SIAH2: variants seen among roughly 807,000 people sequenced by gnomAD.
The protein encoded by SIAH2 is E3 ubiquitin-protein ligase SIAH2.
A neutral mutation model predicts 20.4 loss-of-function variants in SIAH2; 4 were observed. That is an observed-to-expected ratio of 0.20 (90% CI 0.10 to 0.45). The LOEUF is 0.45. SIAH2 is among the 20% of genes least tolerant of loss of function. The probability of loss-of-function intolerance (pLI) is 0.99; values close to 1 mark genes in which losing one functional copy is unlikely to be tolerated. For missense variants in SIAH2, 259 were observed against 440.3 expected (o/e 0.59, Z 3.69); for synonymous variants, 171 against 192.5 (o/e 0.89, Z 0.93).
chr3:150,759,050 T>G (rs1714546689), intron 1 of SIAH2, among the ~76,000 whole-genome samples: 1 of 151,554 alleles, frequency 6.6e-6, no homozygotes, highest in South Asian at 2.1e-4. Context: ...TGGCCCTAAT[T>G]TTTGTATTTT....
chr3:150,751,381 G>A (rs1034393766), intron 1 of SIAH2, among the ~76,000 whole-genome samples: 5 of 151,854 alleles, frequency 3.3e-5, no homozygotes, highest in African/African-American at 1.2e-4. Flanking sequence ...CCGAGATTAC[G>A]CCACTGAACT....
chr3:150,742,021 A>AAAAC lies in SIAH2; in HGVS notation c.*116_*119dup. The AAAAC allele has an allele frequency of 9.8e-7, 1 of 1,018,276 alleles. No homozygotes were observed. 63.1% of individuals were successfully genotyped at this position (1,018,276 alleles called of 1,614,324 possible). A position where few individuals can be genotyped will look rare whatever the true frequency, so the allele number is the denominator to read the frequency against. On this transcript the variant is annotated 3_prime_UTR_variant, in exon 2 of 2. Coordinates refer to ENST00000312960, the MANE Select transcript of SIAH2 (RefSeq NM_005067.7). This position sits in a 1 kb window ranked among gnomAD's most constrained non-coding sequence, Gnocchi z 4.8. ...CCAGATGGGACACTGCTGTTCAAACAAAACACGGGTAATTGTGGGTCCTGA... is the reference window on the plus strand; with the variant it reads ...CCAGATGGGACACTGCTGTTCAAACAAAACAAACACGGGTAATTGTGGGTCCTGA...
intron 1 of SIAH2, among the ~76,000 whole-genome samples, chr3:150,755,478 G>A (rs1321605657): frequency 2.7e-5 from 4 of 150,844 alleles, no homozygotes; most frequent in East Asian, 2.0e-4. Flanking sequence ...GTATAGACAC[G>A]AGCCACCATG....
At chr3:150,746,813 G>C (rs1238408149) in intron 1 of SIAH2, among the ~76,000 whole-genome samples, 1 of 152,260 alleles carries the variant, frequency 6.6e-6, no homozygotes, top group African/African-American at 2.4e-5. Flanking sequence ...AGGTCCAGTA[G>C]GTCACTGGCC....
At position 150,749,372 on chromosome 3, in the gene SIAH2, G is replaced by A. The variant is rs139898718; in HGVS notation, c.418-6674C>T. Among the ~76,000 whole-genome samples, 467 of 152,114 alleles carry A rather than the reference G, an allele frequency of 3.1e-3. 5 individuals carry two copies. The highest frequency in any genetic ancestry group is 0.011 in the African/African-American group (451 of 41,494). On this transcript the variant is annotated intron_variant, in intron 1 of 1. Coordinates refer to ENST00000312960, the MANE Select transcript of SIAH2 (RefSeq NM_005067.7). ...AAAAAAAAAATAGCCAGGCCTTGTG[G>A]TGCACACGTGTAGTCCCGGCTACTA... is the stretch of plus-strand genomic sequence containing the variant.
At position 150,762,329 on chromosome 3, in the gene SIAH2, TA is replaced by T; in HGVS notation, c.417+103del. 1 of 1,478,878 alleles carries T rather than the reference TA, an allele frequency of 6.8e-7. No homozygotes were observed. Among genetic ancestry groups the T allele is most frequent in the Non-Finnish European group, 8.9e-7 (1 of 1,119,654 alleles). The allele number at this position is 1,478,878 out of a possible 1,614,324, so 91.6% of individuals were successfully genotyped here. A position where few individuals can be genotyped will look rare whatever the true frequency, so the allele number is the denominator to read the frequency against. ...GTAAACATTTTTTCTTTTTTTTTTT[TA>T]AATGAGAGATGCCGCCCGCCTCTCC... is the stretch of plus-strand genomic sequence containing the variant. On this transcript the variant is annotated intron_variant, in intron 1 of 1. Transcript: ENST00000312960. The surrounding 1 kb of genome is among the most constrained non-coding windows in gnomAD (Gnocchi z 6.6).
At position 150,742,661 on chromosome 3, in the gene SIAH2, G is replaced by C. The variant is rs377407314; in HGVS notation, c.455C>G (p.Thr152Arg). 1.3e-6 allele frequency: 2 copies of C among 1,573,244 alleles called. No homozygotes were observed. Among genetic ancestry groups the C allele is most frequent in the East Asian group, 4.5e-5 (2 of 44,490 alleles). Residue 152 changes from threonine to arginine, a missense_variant, in exon 2 of 2, where the codon ACG (threonine) becomes AGG (arginine). By Grantham distance (71) the Thr-to-Arg change is moderately conservative. This residue lies in a region of SIAH2 where 160 missense variants were observed against 327.6 expected (regional missense o/e 0.49). Coordinates refer to ENST00000312960, the MANE Select transcript of SIAH2 (RefSeq NM_005067.7). The surrounding 1 kb of genome is among the most constrained non-coding windows in gnomAD (Gnocchi z 4.8). ...TTGCSLTLHH[T>R]EKPEHEDICE... ...TATGTCTTCATGTTCTGGTTTCTCC[G>C]TATGGTGCAGGGTCAGGGAACAGCC...
At chr3:150,750,281 T>A (rs556840831) in intron 1 of SIAH2, among the ~76,000 whole-genome samples, 1 of 152,286 alleles carries the variant, frequency 6.6e-6, no homozygotes, top group East Asian at 1.9e-4. Context: ...AATTTACAGG[T>A]TTGTTAATTT....
chr3:150,755,811 T>C (rs575001186), intron 1 of SIAH2, among the ~76,000 whole-genome samples: 2 of 152,224 alleles, frequency 1.3e-5, no homozygotes, highest in African/African-American at 4.8e-5. Flanking sequence ...CCACTGTGCC[T>C]GGCACAAATT....
At chr3:150,759,363 C>T (rs1012901298) in intron 1 of SIAH2, among the ~76,000 whole-genome samples, 1 of 152,154 alleles carries the variant, frequency 6.6e-6, no homozygotes, top group Admixed American at 6.5e-5. Context: ...AGGTTTCCCC[C>T]ACCCTCCCAT....
At position 150,742,237 on chromosome 3, in the gene SIAH2, G is replaced by A. The variant is rs1393981536; in HGVS notation, c.879C>T (p.Asn293=). 6.2e-7 allele frequency: 1 copy of A among 1,614,178 alleles called. No homozygotes were observed. ...CTGTGTCGAAAACAAGGCAGTCGCTGTTCATGATGGCCGCAGCCACACCGT... is the reference window on the plus strand; with the variant it reads ...CTGTGTCGAAAACAAGGCAGTCGCTATTCATGATGGCCGCAGCCACACCGT... ...IHDGVAAAIM[N]SDCLVFDTAI... Residue 293 remains asparagine, a synonymous_variant, in exon 2 of 2, where the codon AAC becomes AAT. Transcript: ENST00000312960. The surrounding 1 kb of genome is among the most constrained non-coding windows in gnomAD (Gnocchi z 4.8).
intron 1 of SIAH2, among the ~76,000 whole-genome samples, chr3:150,754,810 CT>C (rs1714448488): frequency 6.6e-6 from 1 of 151,756 alleles, no homozygotes; most frequent in African/African-American, 2.4e-5. Flanking sequence ...CCAGTTTTCC[CT>C]CTCAAAAAAT....
chr3:150,754,751 A>C (rs1210261805), intron 1 of SIAH2, among the ~76,000 whole-genome samples: 2 of 152,198 alleles, frequency 1.3e-5, no homozygotes, highest in Non-Finnish European at 2.9e-5. Flanking sequence ...ATAATATGTA[A>C]AAATACACAA....
Position 150,742,791 on chromosome 3 carries a change from G to T in SIAH2, c.418-93C>A. The T allele has an allele frequency of 9.5e-7, 1 of 1,050,804 alleles. No homozygotes were observed. Among genetic ancestry groups the T allele is most frequent in the Non-Finnish European group, 1.3e-6 (1 of 752,270 alleles). The allele number at this position is 1,050,804 out of a possible 1,614,324, so 65.1% of individuals were successfully genotyped here. On this transcript the variant is annotated intron_variant, in intron 1 of 1. Coordinates refer to ENST00000312960, the MANE Select transcript of SIAH2 (RefSeq NM_005067.7). The surrounding 1 kb of genome is among the most constrained non-coding windows in gnomAD (Gnocchi z 4.8). ...AGTACTTAACTACTCCATTTTCCTG[G>T]GCTTAAACTGTGTTCTTAACTACTT...
chr3:150,761,736 A>G (rs1714615165), intron 1 of SIAH2, among the ~76,000 whole-genome samples: 1 of 152,174 alleles, frequency 6.6e-6, no homozygotes, highest in Non-Finnish European at 1.5e-5. Flanking sequence ...AAATGAAGTG[A>G]TGAGCTTTAA....
chr3:150,759,657 C>T (rs1449073124), intron 1 of SIAH2, among the ~76,000 whole-genome samples: 1 of 151,130 alleles, frequency 6.6e-6, no homozygotes, highest in Non-Finnish European at 1.5e-5. Context: ...AGTCACTTCA[C>T]ATTTAACCAC....
intron 1 of SIAH2, among the ~76,000 whole-genome samples, chr3:150,756,764 G>C (rs1714494042): frequency 6.6e-6 from 1 of 152,144 alleles, no homozygotes; most frequent in South Asian, 2.1e-4. Context: ...TACAACGAAA[G>C]GTGTATTATC....
rs1171680845 is a variant in SIAH2, at chr3:150,741,533, T to G, written c.*608A>C. 1 of 152,382 alleles carries G rather than the reference T, an allele frequency of 6.6e-6. No homozygotes were observed. The highest frequency in any genetic ancestry group is 1.5e-5 in the Non-Finnish European group (1 of 68,072). 9.4% of individuals were successfully genotyped at this position (152,382 alleles called of 1,614,324 possible). On this transcript the variant is annotated 3_prime_UTR_variant, in exon 2 of 2. Coordinates refer to ENST00000312960, the MANE Select transcript of SIAH2 (RefSeq NM_005067.7). ...GCAGAGGGCAACCTTAAAGCACCTT[T>G]AAAATCTGGACCCTTTCCCACAATT...
In SIAH2 at chr3:150,763,021, T is replaced by A; in HGVS notation, c.-172A>T. On this transcript the variant is annotated 5_prime_UTR_variant, in exon 1 of 2. Coordinates refer to ENST00000312960, the MANE Select transcript of SIAH2 (RefSeq NM_005067.7). The surrounding 1 kb of genome is among the most constrained non-coding windows in gnomAD (Gnocchi z 4.1). Reference sequence around the variant, plus strand: ...CGGCAGGCGGAGGGCTGGACCGCGCTGATGCACTCCGCAGCCCCCGGCGTT... The same window carrying A: ...CGGCAGGCGGAGGGCTGGACCGCGCAGATGCACTCCGCAGCCCCCGGCGTT... 1 of 640,404 alleles carries A rather than the reference T, an allele frequency of 1.6e-6. No homozygotes were observed. Among genetic ancestry groups the A allele is most frequent in the Non-Finnish European group, 2.0e-6 (1 of 497,288 alleles). 39.7% of individuals were successfully genotyped at this position (640,404 alleles called of 1,614,324 possible).
Sources: gnomAD v4.1 joint callset for allele counts (sites outside exome capture counted in the v4.1 genomes callset) on GRCh38, gnomAD v4.1.1 for gene constraint, gnomAD v4.1.1 regional missense constraint, Gnocchi (gnomAD v3.1) non-coding constraint, MANE v1.5 for transcripts, NCBI Gene and HGNC (gene_info 2026-07-23, HGNC 2026-07-21) for gene names.